The following RBFOX1 variants were observed in gnomAD, a reference collection of about 807,000 sequenced individuals.
The protein encoded by RBFOX1 is RNA binding fox-1 homolog 1, also known as RNA binding protein fox-1 homolog 1.
Under a neutral mutation model 57.7 loss-of-function variants are expected in RBFOX1, and 8 were observed. The observed-to-expected ratio is 0.14, with a 90% CI of 0.08 to 0.25. RBFOX1 has a LOEUF of 0.25. Among genes scored for constraint, RBFOX1 ranks in the 10% least tolerant of loss-of-function variants. RBFOX1 has a pLI of 1.00. For missense variants in RBFOX1, 611 were observed against 548.5 expected, an observed-to-expected ratio of 1.11 and a Z score of -1.14; for synonymous variants, 326 against 222.4, an observed-to-expected ratio of 1.47 and a Z score of -4.15.
At position 7,673,664 on chromosome 16, in the gene RBFOX1, A is replaced by T. The variant is rs571647515; in HGVS notation, c.931-3110A>T. Among the ~76,000 whole-genome samples the T allele has an allele frequency of 3.3e-5, 5 of 152,318 alleles. No individual in the cohort carries two copies. In the South Asian group the frequency reaches 1.0e-3, roughly 32 times the overall value. ...GAAACTTCTCAGTCCACATGAGTGG[A>T]TCACTTTGGTGGCCTCACTCATTTG... On this transcript the variant is annotated intron_variant, in intron 13 of 15. Coordinates refer to ENST00000550418, the MANE Select transcript of RBFOX1 (RefSeq NM_018723.4).
At chr16:7,103,559 T>C (rs1014825079) in intron 4 of RBFOX1, among the ~76,000 whole-genome samples, 7 of 152,080 alleles carry the variant, frequency 4.6e-5, no homozygotes, top group Non-Finnish European at 5.9e-5. Flanking sequence ...AATGTATAGA[T>C]AGATTGATAA....
chr16:7,071,663 A>G (rs1335132740), intron 4 of RBFOX1, among the ~76,000 whole-genome samples: 1 of 151,584 alleles, frequency 6.6e-6, no homozygotes, highest in Non-Finnish European at 1.5e-5. Context: ...ACATACATAC[A>G]TACATATATA....
chr16:5,989,762 T>A (rs769703057), intron 4 of RBFOX1, among the ~76,000 whole-genome samples: 26 of 151,570 alleles, frequency 1.7e-4, no homozygotes, highest in South Asian at 4.2e-4. Context: ...GTCATGAGAA[T>A]GATCCTGGGC....
intron 2 of RBFOX1, among the ~76,000 whole-genome samples, chr16:6,590,372 G>C (rs1006041443): frequency 2.6e-5 from 4 of 152,096 alleles, no homozygotes; most frequent in Non-Finnish European, 4.4e-5. Flanking sequence ...CCACCTCCCT[G>C]GGGTTTTTCA....
intron 4 of RBFOX1, among the ~76,000 whole-genome samples, chr16:7,425,887 G>A (rs914058063): frequency 6.6e-6 from 1 of 152,208 alleles, no homozygotes; most frequent in Non-Finnish European, 1.5e-5. Context: ...AGTGATAAAC[G>A]AAATGTATCA....
At chr16:5,656,365 A>T (rs1261887848) in intron 3 of RBFOX1, among the ~76,000 whole-genome samples, 1 of 152,196 alleles carries the variant, frequency 6.6e-6, no homozygotes, top group Admixed American at 6.5e-5. Context: ...TATCTTTATT[A>T]GTATGTCTTG....
At position 7,052,049 on chromosome 16, in the gene RBFOX1, C is replaced by T. The variant is rs1393596003; in HGVS notation, c.-15-8C>T. ...TGACTTTTCCCCTTCATTTTCTTTTCTTTCTAGGTTTCAAGACAACAGATG... is the reference window on the plus strand; with the variant it reads ...TGACTTTTCCCCTTCATTTTCTTTTTTTTCTAGGTTTCAAGACAACAGATG... On this transcript the variant is annotated splice_region_variant and splice_polypyrimidine_tract_variant and intron_variant, in intron 3 of 15. Transcript: ENST00000550418. The T allele has an allele frequency of 6.2e-7, 1 of 1,611,202 alleles. No individual in the cohort carries two copies. Among genetic ancestry groups the T allele is most frequent in the Non-Finnish European group, 8.5e-7 (1 of 1,178,888 alleles).
chr16:5,536,815 G>C (rs1186087180), intron 2 of RBFOX1, among the ~76,000 whole-genome samples: 1 of 151,946 alleles, frequency 6.6e-6, no homozygotes, highest in African/African-American at 2.4e-5. Context: ...GGTAAGGAAG[G>C]GGGGAGTTGG....
Position 7,138,953 on chromosome 16 carries a change from C to G in RBFOX1, c.27+86855C>G, listed in dbSNP as rs553303983. Reference sequence around the variant, plus strand: ...CCTCCCAAGTAGCTAAGATTACAGCCTCCTACCACCTAGTTAATTTTTATA... The same window carrying G: ...CCTCCCAAGTAGCTAAGATTACAGCGTCCTACCACCTAGTTAATTTTTATA... On this transcript the variant is annotated intron_variant, in intron 4 of 15. Coordinates refer to ENST00000550418, the MANE Select transcript of RBFOX1 (RefSeq NM_018723.4). Among the ~76,000 whole-genome samples, 10 of 152,166 alleles carry G rather than the reference C, an allele frequency of 6.6e-5. No individual in the cohort carries two copies. In the East Asian group the frequency reaches 7.8e-4, roughly 12 times the overall value.
rs141816970 is a variant in RBFOX1 at position 6,147,250 on chromosome 16, G to A, written c.-127+127258G>A. ...GCTCTCTTAGCGTCCTCTGCTGGCC[G>A]CTGTTGATGGTGGTGATTGTTTTTC... On this transcript the variant is annotated intron_variant, in intron 1 of 15. Coordinates refer to ENST00000550418, the MANE Select transcript of RBFOX1 (RefSeq NM_018723.4). 4.1e-3 allele frequency among the ~76,000 whole-genome samples: 627 copies of A among 152,244 alleles called. 6 individuals carry two copies. The highest frequency in any genetic ancestry group is 0.013 in the African/African-American group (547 of 41,526).
chr16:6,761,500 C>CTTTTTTTTTTTTTTTTTTT (rs869243278), intron 3 of RBFOX1, among the ~76,000 whole-genome samples: 2 of 60,128 alleles, frequency 3.3e-5, no homozygotes, highest in Non-Finnish European at 5.6e-5. Flanking sequence ...TCCCAATCTC[C>CTTTTTTTTTTTTTTTTTTT]TTTTTTTTTT....
chr16:7,513,127 A>G (rs1451863965), intron 4 of RBFOX1, among the ~76,000 whole-genome samples: 1 of 151,996 alleles, frequency 6.6e-6, no homozygotes, highest in East Asian at 1.9e-4. Flanking sequence ...GCCAGTCATC[A>G]TGGCGGGTGC....
chr16:6,888,753 A>C (rs1303816884), intron 3 of RBFOX1, among the ~76,000 whole-genome samples: 7 of 152,312 alleles, frequency 4.6e-5, no homozygotes, highest in Non-Finnish European at 8.8e-5. Flanking sequence ...TTGTGAGCTC[A>C]TGCCTTAGTT....
At chr16:7,385,426 G>C (rs1210524328) in intron 4 of RBFOX1, among the ~76,000 whole-genome samples, 2 of 152,182 alleles carry the variant, frequency 1.3e-5, no homozygotes, top group South Asian at 2.1e-4. Context: ...GGTGAAGGGA[G>C]TGAATTAAAA....
intron 4 of RBFOX1, among the ~76,000 whole-genome samples, chr16:5,891,644 A>C (rs1210907073): frequency 6.6e-6 from 1 of 152,108 alleles, no homozygotes; most frequent in Non-Finnish European, 1.5e-5. Flanking sequence ...CTCCGAGGGA[A>C]TCTCTGGGTC....
At chr16:6,673,478 C>T (rs569283324) in intron 3 of RBFOX1, among the ~76,000 whole-genome samples, 2 of 152,200 alleles carry the variant, frequency 1.3e-5, no homozygotes, top group African/African-American at 4.8e-5. Context: ...ATCCCAGCTA[C>T]TGGGGAAGTT....
chr16:6,046,475 A>G (rs1567326962), intron 1 of RBFOX1, among the ~76,000 whole-genome samples: 1 of 152,210 alleles, frequency 6.6e-6, no homozygotes, highest in Non-Finnish European at 1.5e-5. Context: ...TAAGAATACA[A>G]TGTATACTCG....
rs191673334 is a variant in RBFOX1, at chr16:6,113,081, T to A, written c.-127+93089T>A. Among the ~76,000 whole-genome samples the A allele has an allele frequency of 3.9e-4, 60 of 152,294 alleles. 1 individual carries two copies. In the East Asian group the frequency reaches 5.6e-3, roughly 14 times the overall value. On this transcript the variant is annotated intron_variant, in intron 1 of 15. Transcript: ENST00000550418. ...AGATAACTTTGCTTACTCCTGAGTC[T>A]GTGGATAAGCAGGCATGTGAGTGCT...
At chr16:6,847,632 T>C (rs1482318753) in intron 3 of RBFOX1, among the ~76,000 whole-genome samples, 3 of 152,084 alleles carry the variant, frequency 2.0e-5, no homozygotes, top group Admixed American at 2.0e-4. Flanking sequence ...AATGGAAGAA[T>C]TGCTGCCAGT....
Sources: allele counts gnomAD v4.1 joint callset (sites outside exome capture counted in the v4.1 genomes callset), GRCh38; gene constraint gnomAD v4.1.1; transcripts MANE v1.5; gene names NCBI Gene and HGNC (gene_info 2026-07-23, HGNC 2026-07-21).